BCAR3: variants seen among roughly 807,000 people sequenced by gnomAD.
BCAR3 encodes the protein BCAR3 adaptor protein, NSP family member.
In BCAR3, 37 loss-of-function variants were observed where a neutral mutation model predicts 80.1. That is an observed-to-expected ratio of 0.46 (90% CI 0.36 to 0.61). The LOEUF (loss-of-function observed/expected upper bound fraction) is 0.61, where lower values mean the gene tolerates loss of function less well. BCAR3 is among the 20% of genes least tolerant of loss of function. The pLI is 0.00. For synonymous variants in BCAR3, 389 were observed against 418.9 expected (o/e 0.93, Z 0.87); for missense variants, 978 against 1,068.2 (o/e 0.92, Z 1.18).
At chr1:93,835,888 C>T (rs1364346338) in intron 2 of BCAR3, among the ~76,000 whole-genome samples, 2 of 152,198 alleles carry the variant, frequency 1.3e-5, no homozygotes, top group Non-Finnish European at 2.9e-5. Context: ...GTCATTTCTT[C>T]CCTTCTGTCA....
chr1:93,563,849 C>T (rs550227132), intron 11 of BCAR3, among the ~76,000 whole-genome samples: 17 of 152,184 alleles, frequency 1.1e-4, no homozygotes, highest in African/African-American at 2.9e-4. Context: ...TGTGCTACCA[C>T]GCCTGGCTAA....
At chr1:93,639,106 G>C (rs1025699846) in intron 3 of BCAR3, among the ~76,000 whole-genome samples, 1 of 152,152 alleles carries the variant, frequency 6.6e-6, no homozygotes, top group African/African-American at 2.4e-5. Flanking sequence ...CTGCCCAACA[G>C]CCCTGGGGCT....
intron 2 of BCAR3, among the ~76,000 whole-genome samples, chr1:93,829,736 TG>T (rs1427625082): frequency 6.6e-6 from 1 of 152,222 alleles, no homozygotes; most frequent in Non-Finnish European, 1.5e-5. Flanking sequence ...AGCCTTATGA[TG>T]GTTGAGAAAA....
At chr1:93,746,077 C>G (rs1651348674) in intron 2 of BCAR3, among the ~76,000 whole-genome samples, 1 of 152,172 alleles carries the variant, frequency 6.6e-6, no homozygotes, top group African/African-American at 2.4e-5. Context: ...TCAACAGAAG[C>G]CTAATGCTTT....
chr1:93,665,730 G>T (rs1018230416), intron 2 of BCAR3, among the ~76,000 whole-genome samples: 4 of 152,096 alleles, frequency 2.6e-5, no homozygotes, highest in African/African-American at 9.7e-5. Flanking sequence ...AGACATGCAT[G>T]CATCTCAAAC....
intron 9 of BCAR3, 179 bp from the exon 10 acceptor site, chr1:93,568,030 A>C: frequency 2.0e-6 from 1 of 499,938 alleles, no homozygotes. Flanking sequence ...CTACTCAAAT[A>C]CAAAAATTAG....
At chr1:93,790,628 G>GAATT (rs1653112324) in intron 2 of BCAR3, among the ~76,000 whole-genome samples, 4 of 79,188 alleles carry the variant, frequency 5.1e-5, no homozygotes, top group East Asian at 3.9e-4. Context: ...TTTTTTTTTT[G>GAATT]TATTCATTTT....
At chr1:93,667,469 G>C (rs1456136482) in intron 2 of BCAR3, among the ~76,000 whole-genome samples, 1 of 152,240 alleles carries the variant, frequency 6.6e-6, no homozygotes, top group African/African-American at 2.4e-5. Flanking sequence ...CATCTAATAA[G>C]TGGCAAAAAC....
At chr1:93,605,995 C>T (rs1176655489) in intron 3 of BCAR3, among the ~76,000 whole-genome samples, 1 of 152,218 alleles carries the variant, frequency 6.6e-6, no homozygotes, top group Non-Finnish European at 1.5e-5. Flanking sequence ...TAACTACCAT[C>T]TTAGAACTCT....
chr1:93,728,252 G>A (rs1650661147), intron 2 of BCAR3, among the ~76,000 whole-genome samples: 1 of 152,206 alleles, frequency 6.6e-6, no homozygotes, highest in Admixed American at 6.5e-5. Flanking sequence ...AGGGGGAGTG[G>A]CTCACTTCCT....
intron 3 of BCAR3, among the ~76,000 whole-genome samples, chr1:93,629,932 G>C (rs1675560714): frequency 6.6e-6 from 1 of 152,214 alleles, no homozygotes. Flanking sequence ...GAACCTCTTT[G>C]CTGTTTTGCA....
chr1:93,636,336 C>T (rs1013013315), intron 3 of BCAR3, among the ~76,000 whole-genome samples: 6 of 152,200 alleles, frequency 3.9e-5, no homozygotes, highest in Non-Finnish European at 8.8e-5. Context: ...CATTCTATTA[C>T]AGCTCACAGT....
intron 3 of BCAR3, chr1:93,594,841 C>T (rs1283876700): frequency 1.3e-5 from 2 of 152,232 alleles, no homozygotes; most frequent in Non-Finnish European, 2.9e-5. Flanking sequence ...GTTATCTTTG[C>T]ATTTTCCTTC....
chr1:93,802,858 T>A (rs773452051), intron 2 of BCAR3, among the ~76,000 whole-genome samples: 13 of 152,204 alleles, frequency 8.5e-5, no homozygotes, highest in Non-Finnish European at 1.8e-4. Flanking sequence ...TATTCCACTC[T>A]TTTTGTTTTT....
chr1:93,610,480 AAAAC>A (rs768158116), intron 3 of BCAR3, among the ~76,000 whole-genome samples: 5 of 152,088 alleles, frequency 3.3e-5, no homozygotes, highest in Admixed American at 6.5e-5. Flanking sequence ...CCTGTTCTTA[AAAAC>A]AAACAAACAA....
intron 3 of BCAR3, among the ~76,000 whole-genome samples, chr1:93,690,102 G>A (rs895735106): frequency 3.9e-5 from 6 of 152,182 alleles, no homozygotes; most frequent in Non-Finnish European, 8.8e-5. Context: ...CATAGGTACC[G>A]ATAGGCAGCT....
At chr1:93,708,506 T>C (rs921555900) in intron 2 of BCAR3, among the ~76,000 whole-genome samples, 9 of 152,222 alleles carry the variant, frequency 5.9e-5, no homozygotes, top group African/African-American at 2.2e-4. Flanking sequence ...TCTGTCCCCA[T>C]ATTTTTGTCC....
chr1:93,603,539 G>A (rs1026533088), intron 3 of BCAR3, among the ~76,000 whole-genome samples: 1 of 152,238 alleles, frequency 6.6e-6, no homozygotes, highest in African/African-American at 2.4e-5. Flanking sequence ...CCCTTGCTAT[G>A]AGCCAGCTCC....
intron 2 of BCAR3, among the ~76,000 whole-genome samples, chr1:93,784,629 T>C (rs569420600): frequency 9.2e-5 from 14 of 152,242 alleles, no homozygotes; most frequent in Non-Finnish European, 2.1e-4. Context: ...GTGGGCTTGA[T>C]GAAGACTGCG....
Sources: allele counts gnomAD v4.1 joint callset (sites outside exome capture counted in the v4.1 genomes callset), GRCh38; gene constraint gnomAD v4.1.1; transcripts MANE v1.5; gene names NCBI Gene and HGNC (gene_info 2026-07-23, HGNC 2026-07-21).